Variants in GABRA3 observed in about 807,000 individuals in gnomAD.
GABRA3 encodes gamma-aminobutyric acid type A receptor subunit alpha3.
A neutral mutation model predicts 30.1 loss-of-function variants in GABRA3; 10 were observed. The ratio of observed to expected loss-of-function variants is 0.33; its 90% CI spans 0.20 to 0.56. The LOEUF is 0.56. GABRA3 is among the 20% of genes least tolerant of loss of function. GABRA3 has a pLI of 0.89. For synonymous variants in GABRA3, 151 were observed against 146.8 expected, an observed-to-expected ratio of 1.03 and a Z score of -0.21; for missense variants, 233 against 392.0, an observed-to-expected ratio of 0.59 and a Z score of 3.42.
At chrX:152,224,217 T>G (rs1416788627) in intron 6 of GABRA3, among the ~76,000 whole-genome samples, 1 of 112,298 alleles carries the variant, frequency 8.9e-6, no homozygotes, top group East Asian at 2.8e-4. Flanking sequence ...ATTTTTCTAA[T>G]TCATTTGAAA....
chrX:152,382,716 C>G (rs1193678815), intron 1 of GABRA3, among the ~76,000 whole-genome samples: 3 of 111,266 alleles, frequency 2.7e-5, no homozygotes, highest in Non-Finnish European at 3.8e-5. Context: ...GATGAGGGTC[C>G]AATTTCATTC....
chrX:152,356,206 T>C (rs780610331), intron 2 of GABRA3, among the ~76,000 whole-genome samples: 2 of 112,083 alleles, frequency 1.8e-5, no homozygotes, highest in South Asian at 7.4e-4. Flanking sequence ...TACCAAATCA[T>C]AATCTTCAAA....
chrX:152,280,364 C>A (rs182532685), intron 4 of GABRA3, among the ~76,000 whole-genome samples: 2 of 111,441 alleles, frequency 1.8e-5, no homozygotes, highest in Admixed American at 1.9e-4. Flanking sequence ...AGGTTCTCAT[C>A]CAGTCTGTGC....
intron 1 of GABRA3, among the ~76,000 whole-genome samples, chrX:152,440,451 G>A (rs757773046): frequency 1.3e-3 from 151 of 112,436 alleles, no homozygotes; most frequent in African/African-American, 4.8e-3. Flanking sequence ...CATTGTGGAA[G>A]ACAGTGTGGC....
At chrX:152,376,893 T>A (rs1297778836) in intron 1 of GABRA3, among the ~76,000 whole-genome samples, 1 of 111,567 alleles carries the variant, frequency 9.0e-6, no homozygotes, top group Non-Finnish European at 1.9e-5. Flanking sequence ...AGAAAATATA[T>A]CACCTCTGAA....
chrX:152,435,452 G>C (rs567652616), intron 1 of GABRA3, among the ~76,000 whole-genome samples: 1 of 110,783 alleles, frequency 9.0e-6, no homozygotes, highest in African/African-American at 3.3e-5. Flanking sequence ...GCAGGGACAT[G>C]GATGAAGCTG....
At chrX:152,346,397 A>G (rs1354656670) in intron 2 of GABRA3, among the ~76,000 whole-genome samples, 1 of 111,591 alleles carries the variant, frequency 9.0e-6, no homozygotes, top group Admixed American at 9.6e-5. Flanking sequence ...CTACAAGAAA[A>G]CTTTGGGGAA....
intron 6 of GABRA3, among the ~76,000 whole-genome samples, chrX:152,215,135 C>G (rs1390338600): frequency 9.3e-6 from 1 of 107,957 alleles, no homozygotes; most frequent in East Asian, 2.9e-4. Flanking sequence ...TTATTTCTTT[C>G]TCTTGCCTAA....
intron 2 of GABRA3, among the ~76,000 whole-genome samples, chrX:152,357,679 A>G (rs1174482326): frequency 9.0e-6 from 1 of 111,724 alleles, no homozygotes; most frequent in Non-Finnish European, 1.9e-5. Context: ...TCATGTCTTC[A>G]TCATGAAATC....
intron 1 of GABRA3, among the ~76,000 whole-genome samples, chrX:152,383,358 C>T (rs1432548661): frequency 2.2e-5 from 2 of 91,337 alleles, no homozygotes; most frequent in Non-Finnish European, 4.2e-5. Flanking sequence ...CACCGCACTC[C>T]AGCCTGGGTG....
chrX:152,239,306 G>C (rs751749978), intron 5 of GABRA3, among the ~76,000 whole-genome samples: 1 of 107,851 alleles, frequency 9.3e-6, no homozygotes, highest in East Asian at 2.9e-4. Flanking sequence ...GAGAGGCTTT[G>C]AGTGAGATTC....
chrX:152,390,985 T>C (rs1314174470), intron 1 of GABRA3, among the ~76,000 whole-genome samples: 1 of 111,580 alleles, frequency 9.0e-6, no homozygotes, highest in Non-Finnish European at 1.9e-5. Flanking sequence ...AACAGAGGAA[T>C]TAATGGCTAT....
At chrX:152,190,683 T>A (rs778950639) in intron 8 of GABRA3, among the ~76,000 whole-genome samples, 10 of 110,322 alleles carry the variant, frequency 9.1e-5, no homozygotes, top group Admixed American at 3.9e-4. Flanking sequence ...TAGGTCCCTA[T>A]TGGGCTTTGT....
chrX:152,258,292 G>T (rs1049728695), intron 4 of GABRA3, among the ~76,000 whole-genome samples: 1 of 111,520 alleles, frequency 9.0e-6, no homozygotes, highest in Non-Finnish European at 1.9e-5. Context: ...AAGTTCAGTG[G>T]GTGTGTTACA....
At chrX:152,442,128 A>C (rs763620103) in intron 1 of GABRA3, among the ~76,000 whole-genome samples, 2 of 111,901 alleles carry the variant, frequency 1.8e-5, no homozygotes, top group Admixed American at 1.9e-4. Context: ...CAGTAAGAAG[A>C]AGCAACTGAA....
chrX:152,415,417 C>A (rs1339625842), intron 1 of GABRA3, among the ~76,000 whole-genome samples: 1 of 110,979 alleles, frequency 9.0e-6, no homozygotes, highest in Non-Finnish European at 1.9e-5. Context: ...CTGACACAAC[C>A]ATAGAGATGG....
chrX:152,370,027 T>C (rs1470935150), intron 1 of GABRA3, among the ~76,000 whole-genome samples: 1 of 111,338 alleles, frequency 9.0e-6, no homozygotes, highest in Non-Finnish European at 1.9e-5. Flanking sequence ...GACCTACTTC[T>C]TCAATAAAAA....
At chrX:152,272,293 C>T (rs1331368482) in intron 4 of GABRA3, among the ~76,000 whole-genome samples, 1 of 112,433 alleles carries the variant, frequency 8.9e-6, no homozygotes, top group Non-Finnish European at 1.9e-5. Flanking sequence ...CCACCTCTTG[C>T]ATCGGCATGA....
chrX:152,395,692 A>G (rs182320625), intron 1 of GABRA3, among the ~76,000 whole-genome samples: 40 of 111,999 alleles, frequency 3.6e-4, no homozygotes, highest in Non-Finnish European at 5.6e-5. Context: ...TCCCAAGACT[A>G]TATCGCTGTA....
Sources: gnomAD v4.1 joint callset for allele counts (sites outside exome capture counted in the v4.1 genomes callset) on GRCh38, gnomAD v4.1.1 for gene constraint, MANE v1.5 for transcripts, NCBI Gene and HGNC (gene_info 2026-07-23, HGNC 2026-07-21) for gene names.